Variants in HACD2 observed in about 807,000 individuals in gnomAD.
HACD2 encodes 3-hydroxyacyl-CoA dehydratase 2, also known as very-long-chain (3R)-3-hydroxyacyl-CoA dehydratase 2.
HACD2 carries 15 observed loss-of-function variants against 31.0 expected under a neutral mutation model. That is an observed-to-expected ratio of 0.48 (90% CI 0.32 to 0.75). The LOEUF is 0.75. Among genes scored for constraint, HACD2 ranks in the 30% least tolerant of loss-of-function variants. The pLI, the probability that HACD2 is intolerant of heterozygous loss-of-function variation, is 0.03. For missense variants in HACD2, 283 were observed against 313.0 expected, an observed-to-expected ratio of 0.90 and a Z score of 0.72; for synonymous variants, 115 against 122.2, an observed-to-expected ratio of 0.94 and a Z score of 0.39.
chr3:123,525,769 G>T (rs2056275761), intron 4 of HACD2, among the ~76,000 whole-genome samples: 2 of 152,162 alleles, frequency 1.3e-5, no homozygotes, highest in African/African-American at 2.4e-5. Context: ...AAAAGAATTT[G>T]AACATTACTA....
chr3:123,524,228 T>G lies in HACD2; in HGVS notation c.381+4158A>C, dbSNP rs1576748987. Among the ~76,000 whole-genome samples the G allele has an allele frequency of 3.3e-5, 5 of 152,352 alleles. No homozygotes were observed. In the South Asian group the frequency reaches 1.0e-3, roughly 32 times the overall value. ...CAAACCTTGGAATTCTTAAAATTAT[T>G]TGAGAAGCCTAATAAAAATTCAGAT... On this transcript the variant is annotated intron_variant, in intron 4 of 6. Coordinates refer to ENST00000383657, the MANE Select transcript of HACD2 (RefSeq NM_198402.5).
intron 3 of HACD2, among the ~76,000 whole-genome samples, chr3:123,560,473 A>C (rs1423724161): frequency 1.3e-5 from 2 of 152,158 alleles, no homozygotes; most frequent in Non-Finnish European, 2.9e-5. Context: ...CAGCCTTAGA[A>C]ACCTCTAAGC....
chr3:123,540,255 T>C (rs1190281552), intron 3 of HACD2, among the ~76,000 whole-genome samples: 1 of 152,150 alleles, frequency 6.6e-6, no homozygotes, highest in African/African-American at 2.4e-5. Context: ...TCCAAATATC[T>C]GCCACTAGCA....
chr3:123,515,197 TGGGCAACTGAGG>T (rs1236212153), intron 4 of HACD2, among the ~76,000 whole-genome samples: 2 of 152,056 alleles, frequency 1.3e-5, no homozygotes, highest in Non-Finnish European at 2.9e-5. Flanking sequence ...AGCCCTCAAC[TGGGCAACTGAGG>T]GATGACCCAG....
chr3:123,568,695 T>C (rs1427234635), intron 2 of HACD2, among the ~76,000 whole-genome samples: 1 of 152,210 alleles, frequency 6.6e-6, no homozygotes, highest in African/African-American at 2.4e-5. Flanking sequence ...AAAAAGTAAT[T>C]TGAAGCCATT....
At chr3:123,578,318 T>A (rs2056929772) in intron 2 of HACD2, among the ~76,000 whole-genome samples, 1 of 152,210 alleles carries the variant, frequency 6.6e-6, no homozygotes. Flanking sequence ...TCACCCAGGC[T>A]GGAGTGCAGT....
chr3:123,502,960 G>A, intron 4 of HACD2: 1 of 342,756 alleles, frequency 2.9e-6, no homozygotes, highest in Admixed American at 4.0e-5. Flanking sequence ...TTACAGGTTT[G>A]CCAGCCTCAT....
At chr3:123,567,214 G>A (rs1291723490) in intron 3 of HACD2, among the ~76,000 whole-genome samples, 1 of 152,112 alleles carries the variant, frequency 6.6e-6, no homozygotes, top group Non-Finnish European at 1.5e-5. Context: ...CTATTCCACA[G>A]CAATATTTGA....
chr3:123,554,658 AC>A (rs774490840), intron 3 of HACD2, among the ~76,000 whole-genome samples: 5 of 152,218 alleles, frequency 3.3e-5, no homozygotes, highest in Non-Finnish European at 7.3e-5. Flanking sequence ...AGCTTAACTC[AC>A]CTATTATATG....
At chr3:123,505,931 G>A (rs1165296749) in intron 4 of HACD2, among the ~76,000 whole-genome samples, 1 of 152,232 alleles carries the variant, frequency 6.6e-6, no homozygotes, top group African/African-American at 2.4e-5. Context: ...TTGTGTGCTT[G>A]TAGGCCCTGG....
chr3:123,509,745 C>T (rs144822816), intron 4 of HACD2, among the ~76,000 whole-genome samples: 3,742 of 152,096 alleles, frequency 0.025, 64 homozygotes, highest in Middle Eastern at 0.092. Flanking sequence ...GTGATCCGCC[C>T]GCCTCGGCCT....
intron 3 of HACD2, among the ~76,000 whole-genome samples, chr3:123,556,571 A>G (rs2056675063): frequency 6.6e-6 from 1 of 152,228 alleles, no homozygotes. Flanking sequence ...TTTCAGACAC[A>G]ATACCAAAGC....
chr3:123,555,476 T>TAA (rs11377880), intron 3 of HACD2, among the ~76,000 whole-genome samples: 1 of 151,006 alleles, frequency 6.6e-6, no homozygotes, highest in African/African-American at 2.4e-5. Context: ...ATTTTAAAGT[T>TAA]AAAAAAAAAT....
In HACD2 at chr3:123,494,808, C is replaced by A; in HGVS notation, c.*80G>T. ...TAGTTCTTACTTATTTTCTATGAAA[C>A]GTATTGGGAACTCAAAAAATCTGCA... On this transcript the variant is annotated 3_prime_UTR_variant, in exon 7 of 7. Transcript: ENST00000383657. 1 of 862,992 alleles carries A rather than the reference C, an allele frequency of 1.2e-6. No individual in the cohort carries two copies. Among genetic ancestry groups the A allele is most frequent in the Non-Finnish European group, 1.9e-6 (1 of 537,732 alleles). The allele number at this position is 862,992 out of a possible 1,614,324, so 53.5% of individuals were successfully genotyped here.
chr3:123,556,556 C>G (rs1017397479), intron 3 of HACD2, among the ~76,000 whole-genome samples: 1 of 151,722 alleles, frequency 6.6e-6, no homozygotes, highest in Non-Finnish European at 1.5e-5. Flanking sequence ...TCTATAGTAA[C>G]AAGTTTTCAG....
intron 3 of HACD2, among the ~76,000 whole-genome samples, chr3:123,537,610 C>A (rs1041711710): frequency 6.6e-6 from 1 of 150,614 alleles, no homozygotes; most frequent in Admixed American, 6.6e-5. Context: ...CACACACACA[C>A]GGTAAAAAAA....
Position 123,510,952 on chromosome 3 carries a change from T to G in HACD2, c.382-8271A>C, listed in dbSNP as rs2056054794. The stretch of plus-strand genomic sequence containing the variant: ...GCTGTGTTTTTTTTTTTTGTTTTTT[T>G]TTGTTTTTTTTTTTAAATAATAGCT... On this transcript the variant is annotated intron_variant, in intron 4 of 6. Coordinates refer to ENST00000383657, the MANE Select transcript of HACD2 (RefSeq NM_198402.5). Among the ~76,000 whole-genome samples, 3 of 145,390 alleles carry G rather than the reference T, an allele frequency of 2.1e-5. No homozygotes were observed. In the South Asian group the frequency reaches 6.5e-4, roughly 32 times the overall value.
intron 3 of HACD2, among the ~76,000 whole-genome samples, chr3:123,541,741 T>A (rs1326265318): frequency 1.3e-5 from 2 of 152,170 alleles, no homozygotes; most frequent in African/African-American, 2.4e-5. Flanking sequence ...ACGTTTAACA[T>A]TTGGTGGTCA....
At chr3:123,545,669 A>T (rs2107725735) in intron 3 of HACD2, among the ~76,000 whole-genome samples, 1 of 150,006 alleles carries the variant, frequency 6.7e-6, no homozygotes, top group Non-Finnish European at 1.5e-5. Flanking sequence ...TTCATATACA[A>T]CTTATTTACA....
Sources: gnomAD v4.1 joint callset for allele counts (sites outside exome capture counted in the v4.1 genomes callset) on GRCh38, gnomAD v4.1.1 for gene constraint, MANE v1.5 for transcripts, NCBI Gene and HGNC (gene_info 2026-07-23, HGNC 2026-07-21) for gene names.